Variants in PRCP observed in about 807,000 individuals in gnomAD.
PRCP encodes the protein lysosomal Pro-X carboxypeptidase.
PRCP carries 46 observed loss-of-function variants against 54.2 expected under a neutral mutation model. The observed-to-expected ratio is 0.85, with a 90% CI of 0.67 to 1.09. The LOEUF (loss-of-function observed/expected upper bound fraction) is 1.09, where lower values mean the gene tolerates loss of function less well. PRCP is among the 50% of genes least tolerant of loss of function. The probability of loss-of-function intolerance (pLI) is 0.00; values close to 1 mark genes in which losing one functional copy is unlikely to be tolerated. For synonymous variants in PRCP, 240 were observed against 212.2 expected (o/e 1.13, Z -1.14); for missense variants, 613 against 596.8 (o/e 1.03, Z -0.28).
At chr11:82,855,427 G>A (rs1859061508) in intron 2 of PRCP, among the ~76,000 whole-genome samples, 1 of 151,956 alleles carries the variant, frequency 6.6e-6, no homozygotes, top group African/African-American at 2.4e-5. Flanking sequence ...GACCATCCTG[G>A]CTAACACGGT....
chr11:82,860,177 A>G, intron 1 of PRCP, 60 bp from the exon 2 acceptor site: 1 of 1,174,392 alleles, frequency 8.5e-7, no homozygotes, highest in Non-Finnish European at 1.1e-6. Flanking sequence ...AGATCAACAT[A>G]AAGGTAATTA....
intron 6 of PRCP, among the ~76,000 whole-genome samples, chr11:82,841,560 G>C (rs1393688162): frequency 6.6e-6 from 1 of 152,102 alleles, no homozygotes; most frequent in Non-Finnish European, 1.5e-5. Context: ...ATTGCCAAAA[G>C]TTTTCAGAAC....
chr11:82,852,277 T>A (rs7122818), intron 3 of PRCP, among the ~76,000 whole-genome samples: 17,519 of 152,166 alleles, frequency 0.12, 1,961 homozygotes, highest in African/African-American at 0.3. Flanking sequence ...ATTTTTACTA[T>A]TGTATTTATT....
intron 1 of PRCP, among the ~76,000 whole-genome samples, chr11:82,869,672 T>C (rs573736155): frequency 6.6e-6 from 1 of 152,256 alleles, no homozygotes; most frequent in African/African-American, 2.4e-5. Context: ...CCAATGAATA[T>C]ATAGAGAGTA....
Position 82,838,394 on chromosome 11 carries a change from C to T in PRCP, c.1267G>A (p.Val423Ile). 2 of 1,602,790 alleles carry T rather than the reference C, an allele frequency of 1.2e-6. No homozygotes were observed. The highest frequency in any genetic ancestry group is 1.7e-6 in the Non-Finnish European group (2 of 1,175,350). The change falls in exon 8 of 9, where the codon GTT (valine) becomes ATT (isoleucine). Residue 423 changes from valine to isoleucine, a missense_variant. By Grantham distance (29) the Val-to-Ile change is conservative (BLOSUM62 3). Transcript: ENST00000313010. Reference sequence around the variant, plus strand: ...TGGACAGCAAAAACTCACCTGAAAACAATGTTTGTGTGTGAACTAATGTTT... The same window carrying T: ...TGGACAGCAAAAACTCACCTGAAAATAATGTTTGTGTGTGAACTAATGTTT... Reference protein sequence around the residue: ...GKNISSHTNIVFSNGELDPWS... With the variant: ...GKNISSHTNIIFSNGELDPWS...
At chr11:82,884,243 T>G (rs933311471) in intron 1 of PRCP, among the ~76,000 whole-genome samples, 1 of 152,172 alleles carries the variant, frequency 6.6e-6, no homozygotes, top group South Asian at 2.1e-4. Context: ...GCTGGTCATA[T>G]GCCATCAGGA....
chr11:82,863,502 C>A (rs574390177), intron 1 of PRCP, among the ~76,000 whole-genome samples: 17 of 152,314 alleles, frequency 1.1e-4, no homozygotes, highest in South Asian at 2.1e-4. Flanking sequence ...GGCTCTCTAA[C>A]AAGATGCCTT....
At chr11:82,894,220 T>C (rs1860067696) in intron 1 of PRCP, among the ~76,000 whole-genome samples, 1 of 152,188 alleles carries the variant, frequency 6.6e-6, no homozygotes, top group Admixed American at 6.5e-5. Context: ...CCAAGCAAAC[T>C]TTAAAATCAT....
At chr11:82,837,236 T>G (rs1477227618) in intron 8 of PRCP, 1 of 178,376 alleles carries the variant, frequency 5.6e-6, no homozygotes, top group Non-Finnish European at 1.3e-5. Context: ...AATTTGCTAA[T>G]CACTAATTTT....
At chr11:82,889,835 G>A (rs535836330) in intron 1 of PRCP, among the ~76,000 whole-genome samples, 55 of 152,274 alleles carry the variant, frequency 3.6e-4, no homozygotes, top group Admixed American at 1.1e-3. Context: ...ATAAAGAGTC[G>A]CAGTTTCTGA....
At chr11:82,893,148 T>C (rs1362744964) in intron 1 of PRCP, among the ~76,000 whole-genome samples, 1 of 152,234 alleles carries the variant, frequency 6.6e-6, no homozygotes, top group Admixed American at 6.5e-5. Context: ...TTTTGGAGCA[T>C]TCATATGAGA....
chr11:82,896,416 T>C (rs1351512861), intron 1 of PRCP, among the ~76,000 whole-genome samples: 1 of 152,104 alleles, frequency 6.6e-6, no homozygotes, highest in Admixed American at 6.5e-5. Context: ...AGAACAAAGT[T>C]TGACTTCCCC....
intron 8 of PRCP, chr11:82,828,069 C>T (rs895684043): frequency 1.3e-5 from 2 of 152,112 alleles, no homozygotes; most frequent in Non-Finnish European, 2.9e-5. Context: ...TTCGTGTTTA[C>T]AAAGCCTTTC....
intron 8 of PRCP, among the ~76,000 whole-genome samples, chr11:82,834,144 G>A (rs115219654): frequency 7.0e-4 from 107 of 152,292 alleles, no homozygotes; most frequent in African/African-American, 2.1e-3. Flanking sequence ...AGACTGGGCC[G>A]TCACCAGACA....
intron 1 of PRCP, among the ~76,000 whole-genome samples, chr11:82,865,204 AC>A (rs1435991521): frequency 6.6e-6 from 1 of 152,074 alleles, no homozygotes; most frequent in Admixed American, 6.6e-5. Context: ...TGTGCTTTTA[AC>A]CCCTACCCAA....
intron 1 of PRCP, among the ~76,000 whole-genome samples, chr11:82,862,143 G>T (rs187628443): frequency 2.6e-4 from 39 of 151,870 alleles, no homozygotes; most frequent in Admixed American, 8.5e-4. Flanking sequence ...TTCAGAAAAG[G>T]AATACTCAAT....
Position 82,834,068 on chromosome 11 carries a change from G to A in PRCP, c.1274+4319C>T, listed in dbSNP as rs145936329. Among the ~76,000 whole-genome samples the A allele has an allele frequency of 3.4e-3, 519 of 152,288 alleles. 1 individual carries two copies. The highest frequency in any genetic ancestry group is 6.3e-3 in the Non-Finnish European group (428 of 68,030). On this transcript the variant is annotated intron_variant, in intron 8 of 8. Coordinates refer to ENST00000313010, the MANE Select transcript of PRCP (RefSeq NM_005040.4). ...TACTTGTAAAAGGACTGGAGGAAAC[G>A]AGCTTCTTGCCCTTCCACCTCCAGC... is the stretch of plus-strand genomic sequence containing the variant.
intron 8 of PRCP, chr11:82,835,630 A>G (rs1180540745): frequency 9.7e-6 from 3 of 309,856 alleles, no homozygotes; most frequent in Non-Finnish European, 1.3e-5. Context: ...AAGTGGAACC[A>G]GAACCAGCTG....
rs2121029965 is a variant in PRCP, at chr11:82,823,010, A to G, written c.*1896T>C. Among the ~76,000 whole-genome samples the G allele has an allele frequency of 6.6e-6, 1 of 152,310 alleles. No homozygotes were observed. Among genetic ancestry groups the G allele is most frequent in the Non-Finnish European group, 1.5e-5 (1 of 68,020 alleles). On this transcript the variant is annotated 3_prime_UTR_variant, in exon 9 of 9. Transcript: ENST00000313010. ...AATAATAAGGCTTATCTGACACTCC[A>G]ATTCTTTTTCATGTTAAAATTAAAC...
Sources: allele counts gnomAD v4.1 joint callset (sites outside exome capture counted in the v4.1 genomes callset), GRCh38; gene constraint gnomAD v4.1.1; transcripts MANE v1.5; gene names NCBI Gene and HGNC (gene_info 2026-07-23, HGNC 2026-07-21).